MCC: variants seen among roughly 807,000 people sequenced by gnomAD.
The protein encoded by MCC is MCC regulator of Wnt signaling pathway, also known as colorectal mutant cancer protein.
In MCC, 90 loss-of-function variants were observed where a neutral mutation model predicts 116.2. That is an observed-to-expected ratio of 0.77 (90% CI 0.65 to 0.92). MCC has a LOEUF of 0.92. Ranked by LOEUF, MCC falls within the 40% of genes least tolerant of loss-of-function variation. MCC has a pLI of 0.00. For synonymous variants in MCC, 578 were observed against 510.5 expected (o/e 1.13, Z -1.78); for missense variants, 1,516 against 1,312.2 (o/e 1.16, Z -2.40).
At chr5:113,099,998 G>C (rs1298452011) in intron 8 of MCC, among the ~76,000 whole-genome samples, 2 of 152,280 alleles carry the variant, frequency 1.3e-5, no homozygotes, top group South Asian at 2.1e-4. Flanking sequence ...GTGGGCTTTA[G>C]TGCTAAGCAA....
intron 8 of MCC, among the ~76,000 whole-genome samples, chr5:113,094,572 C>G (rs760728205): frequency 3.9e-5 from 6 of 152,038 alleles, no homozygotes; most frequent in Admixed American, 1.3e-4. Flanking sequence ...AGGCGCCCAC[C>G]ACCACGCCTG....
At chr5:113,113,722 T>C (rs1217235450) in intron 6 of MCC, among the ~76,000 whole-genome samples, 1 of 148,274 alleles carries the variant, frequency 6.7e-6, no homozygotes, top group South Asian at 2.2e-4. Flanking sequence ...TTGAGGGACA[T>C]TCTATGATAC....
At chr5:113,359,444 T>C (rs988418546) in intron 2 of MCC, among the ~76,000 whole-genome samples, 1 of 152,224 alleles carries the variant, frequency 6.6e-6, no homozygotes, top group African/African-American at 2.4e-5. Context: ...GGAGATATTT[T>C]AGAGACAACT....
At chr5:113,071,070 C>G in intron 12 of MCC, 24 bp downstream of exon 12, 1 of 1,592,444 alleles carries the variant, frequency 6.3e-7, no homozygotes, top group Non-Finnish European at 8.5e-7. Context: ...TGAAGTAGCT[C>G]CAAACATCCC....
At chr5:113,485,889 G>A (rs1772511117) in intron 1 of MCC, among the ~76,000 whole-genome samples, 1 of 152,156 alleles carries the variant, frequency 6.6e-6, no homozygotes, top group Non-Finnish European at 1.5e-5. Flanking sequence ...AGGTTTTAAT[G>A]TTAAAAAGTC....
chr5:113,461,444 T>G (rs1162570849), intron 1 of MCC, among the ~76,000 whole-genome samples: 1 of 152,034 alleles, frequency 6.6e-6, no homozygotes, highest in Non-Finnish European at 1.5e-5. Flanking sequence ...GGAGAGGAGA[T>G]TAGAACTCCA....
At chr5:113,369,036 A>G (rs921310599) in intron 2 of MCC, among the ~76,000 whole-genome samples, 1 of 152,186 alleles carries the variant, frequency 6.6e-6, no homozygotes, top group African/African-American at 2.4e-5. Context: ...GAAGAGATGC[A>G]TGGGTAAGGC....
At chr5:113,115,350 A>C (rs1368726521) in intron 6 of MCC, among the ~76,000 whole-genome samples, 1 of 152,146 alleles carries the variant, frequency 6.6e-6, no homozygotes, top group Non-Finnish European at 1.5e-5. Flanking sequence ...CTGACTATAG[A>C]TCTCTGTTTC....
At chr5:113,051,786 C>T (rs1752506017) in intron 15 of MCC, among the ~76,000 whole-genome samples, 1 of 152,152 alleles carries the variant, frequency 6.6e-6, no homozygotes, top group Non-Finnish European at 1.5e-5. Context: ...AGGAACCAAG[C>T]ACATCATCTA....
chr5:113,449,522 G>A (rs1771325190), intron 1 of MCC, among the ~76,000 whole-genome samples: 1 of 152,184 alleles, frequency 6.6e-6, no homozygotes, highest in South Asian at 2.1e-4. Context: ...CTGCCTCAGC[G>A]GAGGCCAGGT....
intron 3 of MCC, among the ~76,000 whole-genome samples, chr5:113,220,581 GATT>G (rs1248677023): frequency 2.0e-5 from 3 of 152,126 alleles, no homozygotes; most frequent in African/African-American, 7.2e-5. Context: ...ATTTTTGACA[GATT>G]ATGATACTGT....
chr5:113,145,327 C>T (rs1364545622), intron 4 of MCC, among the ~76,000 whole-genome samples: 2 of 152,286 alleles, frequency 1.3e-5, no homozygotes, highest in East Asian at 3.9e-4. Context: ...TGGATCTCAT[C>T]AATGCTGTGA....
At chr5:113,374,214 T>G (rs11747147) in intron 2 of MCC, among the ~76,000 whole-genome samples, 14,028 of 144,260 alleles carry the variant, frequency 0.097, 980 homozygotes, top group Non-Finnish European at 0.12. Context: ...TTTTTTTTTT[T>G]TTGTTTTTTT....
intron 3 of MCC, among the ~76,000 whole-genome samples, chr5:113,333,836 T>TACATATATGTACATATGTACATATGTAC (rs372077130): frequency 5.1e-5 from 3 of 59,316 alleles, no homozygotes; most frequent in African/African-American, 3.1e-4. Flanking sequence ...TGTATATATG[T>TACATATATGTACATATGTACATATGTAC]ATATATGTAT....
At chr5:113,317,153 T>G (rs971221752) in intron 3 of MCC, among the ~76,000 whole-genome samples, 1 of 152,200 alleles carries the variant, frequency 6.6e-6, no homozygotes, top group African/African-American at 2.4e-5. Flanking sequence ...ACATTCAGAT[T>G]AAGTGAAGGA....
chr5:113,059,584 C>G (rs1029496388), intron 14 of MCC, among the ~76,000 whole-genome samples: 4 of 152,268 alleles, frequency 2.6e-5, no homozygotes, highest in Admixed American at 6.5e-5. Context: ...AGGAGCCTGT[C>G]TGTGTTCTCT....
intron 3 of MCC, among the ~76,000 whole-genome samples, chr5:113,284,806 A>G (rs1351192277): frequency 6.6e-6 from 1 of 152,256 alleles, no homozygotes; most frequent in Non-Finnish European, 1.5e-5. Flanking sequence ...TCAGCATTCC[A>G]GTCTCCTTGC....
At chr5:113,123,224 A>G (rs1324591688) in intron 5 of MCC, among the ~76,000 whole-genome samples, 1 of 152,236 alleles carries the variant, frequency 6.6e-6, no homozygotes, top group African/African-American at 2.4e-5. Context: ...CATGCCCTAC[A>G]ATCTGGAGGG....
chr5:113,091,798 T>C (rs933777028), intron 8 of MCC, among the ~76,000 whole-genome samples: 2 of 152,010 alleles, frequency 1.3e-5, no homozygotes, highest in Admixed American at 6.5e-5. Flanking sequence ...GGTGGGAGGA[T>C]TGCTTGAGCC....
Sources: gnomAD v4.1 joint callset for allele counts (sites outside exome capture counted in the v4.1 genomes callset) on GRCh38, gnomAD v4.1.1 for gene constraint, MANE v1.5 for transcripts, NCBI Gene and HGNC (gene_info 2026-07-23, HGNC 2026-07-21) for gene names.